The following PRAMEF15 variants were observed in gnomAD, a reference collection of about 807,000 sequenced individuals.
The protein encoded by PRAMEF15 is PRAME family member 15.
Under a neutral mutation model 35.3 loss-of-function variants are expected in PRAMEF15, and 21 were observed. The ratio of observed to expected loss-of-function variants is 0.59; its 90% confidence interval spans 0.42 to 0.86. The LOEUF is 0.86. Ranked by LOEUF, PRAMEF15 falls within the 40% of genes least tolerant of loss-of-function variation. The pLI, the probability that PRAMEF15 is intolerant of heterozygous loss-of-function variation, is 0.00. For missense variants in PRAMEF15, 360 were observed against 574.1 expected, an observed-to-expected ratio of 0.63 and a Z score of 3.81; for synonymous variants, 122 against 223.3, an observed-to-expected ratio of 0.55 and a Z score of 4.05.
At chr1:13,320,204 G>A (rs1238962633) in intron 3 of PRAMEF15, among the ~76,000 whole-genome samples, 3 of 152,064 alleles carry the variant, frequency 2.0e-5, no homozygotes, top group Non-Finnish European at 2.9e-5. Context: ...CTACTGGGGG[G>A]TTCAGATCTA....
At chr1:13,320,430 T>TG (rs1640068944) in intron 3 of PRAMEF15, among the ~76,000 whole-genome samples, 1 of 137,508 alleles carries the variant, frequency 7.3e-6, no homozygotes, top group Non-Finnish European at 1.6e-5. Flanking sequence ...ACAAGATAAC[T>TG]TTTTTTTTCT....
chr1:13,316,535 G>C (rs1354503250), intron 1 of PRAMEF15, among the ~76,000 whole-genome samples: 1 of 151,932 alleles, frequency 6.6e-6, no homozygotes, highest in Non-Finnish European at 1.5e-5. Context: ...CATGCCTGTA[G>C]TCCCAGCTAT....
At chr1:13,319,269 G>T in intron 2 of PRAMEF15, 103 bp from the exon 3 acceptor site, 1 of 1,572,234 alleles carries the variant, frequency 6.4e-7, no homozygotes, top group Non-Finnish European at 8.6e-7. Context: ...AAGTCAGAGA[G>T]AGGGACAACA....
intron 3 of PRAMEF15, among the ~76,000 whole-genome samples, 157 bp downstream of exon 3, chr1:13,320,110 T>C (rs1557446733): frequency 6.6e-6 from 1 of 152,000 alleles, no homozygotes; most frequent in Non-Finnish European, 1.5e-5. Context: ...TGTCCTGAAA[T>C]GGGTATCATG....
At position 13,322,105 on chromosome 1, in the gene PRAMEF15, T is replaced by A. The variant is rs1393766761; in HGVS notation, c.1278T>A (p.Gly426=). ...PAPRESYGAD[G]TLCWSRFAQI... ...CCCGAGAGAGTTATGGTGCTGATGG[T>A]ACTCTCTGCTGGAGCAGATTTGCTC... The change falls in exon 4 of 4, where the codon GGT becomes GGA. Residue 426 remains glycine (G), a synonymous_variant. Transcript: ENST00000376152. 1 of 1,608,970 alleles carries A rather than the reference T, an allele frequency of 6.2e-7. No homozygotes were observed. Among genetic ancestry groups the A allele is most frequent in the Non-Finnish European group, 8.5e-7 (1 of 1,178,906 alleles).
chr1:13,316,267 G>A (rs1640001313), intron 1 of PRAMEF15, among the ~76,000 whole-genome samples: 2 of 151,586 alleles, frequency 1.3e-5, no homozygotes, highest in African/African-American at 4.9e-5. Flanking sequence ...GCCTCCCAAA[G>A]TGCTGGGATT....
At chr1:13,317,173 G>A (rs1406370372) in intron 1 of PRAMEF15, among the ~76,000 whole-genome samples, 5 of 151,728 alleles carry the variant, frequency 3.3e-5, no homozygotes, top group Admixed American at 6.6e-5. Context: ...GGGTTCAAGT[G>A]ATCCTCCTAC....
Position 13,319,204 on chromosome 1 carries a change from A to AC in PRAMEF15, c.294-168_294-167insC, listed in dbSNP as rs1305717712. Among the ~76,000 whole-genome samples, 1,076 of 149,486 alleles carry AC rather than the reference A, an allele frequency of 7.2e-3. 15 individuals are homozygous for AC. The highest frequency in any genetic ancestry group is 0.025 in the African/African-American group (989 of 40,356). ...GGGAGACTTGGTCTCAAAAAAAAAA[A>AC]AAAACAAAACAATGTGGAAGTGGGC... On this transcript the variant is annotated intron_variant, in intron 2 of 3. Transcript: ENST00000376152.
In PRAMEF15 at chr1:13,315,882, G is replaced by A. The variant is rs1363738814; in HGVS notation, c.-17+224G>A. Reference sequence around the variant, plus strand: ...TTGATGCCATTTTAAAATTCTTGAAGGGAGCAGTGACTCATGCCTTTAACC... The same window carrying A: ...TTGATGCCATTTTAAAATTCTTGAAAGGAGCAGTGACTCATGCCTTTAACC... On this transcript the variant is annotated intron_variant, in intron 1 of 3. Transcript: ENST00000376152. 4.3e-3 allele frequency among the ~76,000 whole-genome samples: 656 copies of A among 151,874 alleles called. 8 individuals are homozygous for A. Among genetic ancestry groups the A allele is most frequent in the Non-Finnish European group, 7.2e-3 (489 of 67,820 alleles).
In PRAMEF15 at chr1:13,319,869, C is replaced by A; in HGVS notation, c.791C>A (p.Thr264Asn). The A allele has an allele frequency of 6.2e-7, 1 of 1,605,136 alleles. No individual in the cohort carries two copies. Among genetic ancestry groups the A allele is most frequent in the Non-Finnish European group, 8.5e-7 (1 of 1,179,804 alleles). Residue 264 changes from threonine (T) to asparagine (N), a missense_variant, in exon 3 of 4, where the codon ACT becomes AAT. Coordinates refer to ENST00000376152, the MANE Select transcript of PRAMEF15 (RefSeq NM_001098376.3). ...AAGGAGATTGTTACCCAGTTCACCA[C>A]TCAGTTCCTCAAGCTGCGCTGCCTC... The part of the protein sequence containing the change: ...QKKEIVTQFT[T>N]QFLKLRCLQK...
intron 1 of PRAMEF15, among the ~76,000 whole-genome samples, chr1:13,316,517 G>C (rs1430437373): frequency 1.7e-4 from 25 of 151,332 alleles, no homozygotes; most frequent in African/African-American, 5.4e-4. Flanking sequence ...ACATGGCTGT[G>C]GGGGGTGCAT....
chr1:13,321,990 G>A lies in PRAMEF15; in HGVS notation c.1163G>A (p.Cys388Tyr), dbSNP rs1343148053. Residue 388 changes from cysteine to tyrosine, a missense_variant, in exon 4 of 4, where the codon TGT becomes TAT. Around this residue, in one of 8 missense-constraint regions of PRAMEF15, gnomAD observed 147 missense variants for 123.5 expected, o/e 1.19. Coordinates refer to ENST00000376152, the MANE Select transcript of PRAMEF15 (RefSeq NM_001098376.3). ...RCFELNTFSF[C>Y]GNPICMATLE... Reference sequence around the variant, plus strand: ...TTTGAGCTCAACACCTTCAGCTTCTGTGGAAATCCCATCTGCATGGCCACC... The same window carrying A: ...TTTGAGCTCAACACCTTCAGCTTCTATGGAAATCCCATCTGCATGGCCACC... The A allele has an allele frequency of 4.3e-6, 7 of 1,610,726 alleles. No homozygotes were observed. The highest frequency in any genetic ancestry group is 1.3e-5 in the African/African-American group (1 of 74,662).
At chr1:13,321,038 G>A (rs1161846203) in intron 3 of PRAMEF15, among the ~76,000 whole-genome samples, 1 of 152,014 alleles carries the variant, frequency 6.6e-6, no homozygotes, top group African/African-American at 2.4e-5. Context: ...CCCAGCTGAT[G>A]TTGCAGGATC....
In PRAMEF15 at chr1:13,317,995, C is replaced by T. The variant is rs1281707961; in HGVS notation, c.-16-397C>T. 4.5e-3 allele frequency among the ~76,000 whole-genome samples: 684 copies of T among 152,108 alleles called. 6 individuals carry two copies. The highest frequency in any genetic ancestry group is 0.016 in the African/African-American group (658 of 41,478). Reference sequence around the variant, plus strand: ...GTTCTAGGGATGCCCCATGAATGTTCCCAACAAGCTTATTTGTAGGAACTG... The same window carrying T: ...GTTCTAGGGATGCCCCATGAATGTTTCCAACAAGCTTATTTGTAGGAACTG... On this transcript the variant is annotated intron_variant, in intron 1 of 3. Coordinates refer to ENST00000376152, the MANE Select transcript of PRAMEF15 (RefSeq NM_001098376.3).
chr1:13,321,530 C>G (rs1640083222), intron 3 of PRAMEF15, among the ~76,000 whole-genome samples, 173 bp from the exon 4 acceptor site: 1 of 151,804 alleles, frequency 6.6e-6, no homozygotes, highest in Non-Finnish European at 1.5e-5. Context: ...TGGAATTGAC[C>G]TCAGTGGCAA....
intron 3 of PRAMEF15, among the ~76,000 whole-genome samples, chr1:13,321,345 G>C (rs1640080953): frequency 1.3e-5 from 2 of 150,942 alleles, no homozygotes. Flanking sequence ...TTCCCAAGTA[G>C]CTGGAATTGC....
chr1:13,319,341 A>T, intron 2 of PRAMEF15, 31 bp from the exon 3 acceptor site: 2 of 1,607,288 alleles, frequency 1.2e-6, no homozygotes, highest in Admixed American at 3.3e-5. Context: ...TGAGTTCTTA[A>T]ATTCTCAGTC....
chr1:13,319,880 A>G lies in PRAMEF15; in HGVS notation c.802A>G (p.Lys268Glu). ...TACCCAGTTCACCACTCAGTTCCTC[A>G]AGCTGCGCTGCCTCCAAAAGCTTTA... ...IVTQFTTQFL[K>E]LRCLQKLYMN... The change falls in exon 3 of 4, where the codon AAG becomes GAG. Residue 268 changes from lysine to glutamate, a missense_variant. This residue lies in a region of PRAMEF15 where 36 missense variants were observed against 164.8 expected (regional missense o/e 0.22). Coordinates refer to ENST00000376152, the MANE Select transcript of PRAMEF15 (RefSeq NM_001098376.3). 6.2e-7 allele frequency: 1 copy of G among 1,606,594 alleles called. No individual in the cohort carries two copies. The highest frequency in any genetic ancestry group is 8.5e-7 in the Non-Finnish European group (1 of 1,179,818).
In PRAMEF15 at chr1:13,319,405, T is replaced by A. The variant is rs1640051158; in HGVS notation, c.327T>A (p.Asp109Glu). 2 of 1,612,058 alleles carry A rather than the reference T, an allele frequency of 1.2e-6. No individual in the cohort carries two copies. Among genetic ancestry groups the A allele is most frequent in the Non-Finnish European group, 1.7e-6 (2 of 1,179,822 alleles). ...AACTCCAAGTGCTGGATTTACAGGA[T>A]GTCTGTGAGAACTTCTGGATGGTTT... ...RWKLQVLDLQ[D>E]VCENFWMVWS... is the part of the protein sequence containing the mutation. The change falls in exon 3 of 4, where the codon GAT becomes GAA. Residue 109 changes from aspartate to glutamate, a missense_variant. Coordinates refer to ENST00000376152, the MANE Select transcript of PRAMEF15 (RefSeq NM_001098376.3).
Sources: allele counts gnomAD v4.1 joint callset (sites outside exome capture counted in the v4.1 genomes callset), GRCh38; gene constraint gnomAD v4.1.1; regional missense constraint gnomAD v4.1.1; transcripts MANE v1.5; gene names NCBI Gene and HGNC (gene_info 2026-07-23, HGNC 2026-07-21).